The following DOCK3 variants were observed in gnomAD, a reference collection of about 807,000 sequenced individuals.
DOCK3 encodes the protein dedicator of cytokinesis protein 3.
In DOCK3, 60 loss-of-function variants were observed where a neutral mutation model predicts 265.6. The observed-to-expected ratio is 0.23, with a 90% confidence interval of 0.18 to 0.28. The LOEUF (loss-of-function observed/expected upper bound fraction) is 0.28. Ranked by LOEUF, DOCK3 falls within the 10% of genes least tolerant of loss-of-function variation. The pLI is 1.00. For missense variants in DOCK3, 1,981 were observed against 2,594.3 expected (o/e 0.76, Z 5.14); for synonymous variants, 881 against 938.0 (o/e 0.94, Z 1.11).
chr3:51,213,309 T>C (rs1030965748), intron 13 of DOCK3, among the ~76,000 whole-genome samples: 3 of 152,146 alleles, frequency 2.0e-5, no homozygotes, highest in African/African-American at 4.8e-5. Flanking sequence ...TTCACAGTTA[T>C]AGAGGTAACA....
chr3:51,271,851 G>GA (rs766713829), intron 24 of DOCK3, among the ~76,000 whole-genome samples: 807 of 65,354 alleles, frequency 0.012, 2 homozygotes, highest in South Asian at 0.021. Flanking sequence ...ACTGTCTCAG[G>GA]AAAAAAAAAA....
intron 5 of DOCK3, among the ~76,000 whole-genome samples, chr3:51,050,345 C>T (rs994926453): frequency 6.6e-6 from 1 of 152,100 alleles, no homozygotes; most frequent in Admixed American, 6.6e-5. Context: ...TGTGATTGCA[C>T]CACTACACTC....
chr3:51,087,186 T>C (rs1396809154), intron 7 of DOCK3, among the ~76,000 whole-genome samples: 1 of 152,118 alleles, frequency 6.6e-6, no homozygotes, highest in Admixed American at 6.5e-5. Flanking sequence ...AAAAAAAAGA[T>C]GGGCCAGTAT....
chr3:51,310,201 G>A lies in DOCK3; in HGVS notation c.2923-31G>A, dbSNP rs766853726. ...TGAGGAGATGCATATTGTGGTGGTG[G>A]TGTCTCACATCAGCTTTCCTCTGCT... On this transcript the variant is annotated intron_variant, in intron 27 of 52. Coordinates refer to ENST00000266037, the MANE Select transcript of DOCK3 (RefSeq NM_004947.5). 2.1e-5 allele frequency: 33 copies of A among 1,546,112 alleles called. 1 individual carries two copies. The South Asian group carries it at 3.7e-4, about 17-fold the overall frequency.
intron 2 of DOCK3, among the ~76,000 whole-genome samples, chr3:50,781,009 G>A (rs544062180): frequency 6.6e-6 from 1 of 151,988 alleles, no homozygotes; most frequent in East Asian, 1.9e-4. Flanking sequence ...TGGCAGAATA[G>A]TATTCCATTG....
chr3:50,931,365 A>G (rs1261867312), intron 4 of DOCK3, among the ~76,000 whole-genome samples: 1 of 152,142 alleles, frequency 6.6e-6, no homozygotes, highest in African/African-American at 2.4e-5. Flanking sequence ...TTAATGTCAC[A>G]CATTTAGCAC....
At chr3:51,125,614 TAATAAA>T (rs1177561453) in intron 9 of DOCK3, among the ~76,000 whole-genome samples, 1 of 152,172 alleles carries the variant, frequency 6.6e-6, no homozygotes, top group African/African-American at 2.4e-5. Context: ...AATAACAAGT[TAATAAA>T]TATAAATATG....
At chr3:50,714,974 T>G (rs1310841708) in intron 1 of DOCK3, among the ~76,000 whole-genome samples, 1 of 152,210 alleles carries the variant, frequency 6.6e-6, no homozygotes, top group Admixed American at 6.5e-5. Flanking sequence ...TTCTGCCACA[T>G]GCACCCACTG....
At chr3:50,882,963 T>C (rs1185071193) in intron 3 of DOCK3, among the ~76,000 whole-genome samples, 1 of 152,202 alleles carries the variant, frequency 6.6e-6, no homozygotes, top group Non-Finnish European at 1.5e-5. Context: ...TCATGTCCTT[T>C]GGAGGGAGAT....
chr3:50,812,698 A>G (rs2043833657), intron 2 of DOCK3, among the ~76,000 whole-genome samples: 2 of 152,224 alleles, frequency 1.3e-5, no homozygotes, highest in African/African-American at 4.8e-5. Flanking sequence ...GCCACTCACA[A>G]TGGGGCGGGC....
chr3:50,746,135 A>G (rs1249014680), intron 1 of DOCK3, among the ~76,000 whole-genome samples: 1 of 137,476 alleles, frequency 7.3e-6, no homozygotes, highest in East Asian at 2.1e-4. Context: ...TTTGAGACAG[A>G]GTCTTACTCT....
At chr3:50,916,264 T>A (rs1453415408) in intron 4 of DOCK3, among the ~76,000 whole-genome samples, 1 of 151,950 alleles carries the variant, frequency 6.6e-6, no homozygotes, top group African/African-American at 2.4e-5. Context: ...TTAGCTTAAC[T>A]CCTTACTGTT....
intron 2 of DOCK3, among the ~76,000 whole-genome samples, chr3:50,801,993 C>T (rs1189451272): frequency 3.9e-5 from 6 of 152,112 alleles, no homozygotes; most frequent in Non-Finnish European, 7.4e-5. Context: ...TCTTTTTCGT[C>T]CAATATAAGT....
At chr3:51,248,841 C>G (rs550313480) in intron 22 of DOCK3, among the ~76,000 whole-genome samples, 1 of 146,666 alleles carries the variant, frequency 6.8e-6, no homozygotes. Context: ...ACCTCTGCCC[C>G]GCCGCCCCGT....
chr3:51,363,821 C>A (rs889911285), intron 49 of DOCK3, among the ~76,000 whole-genome samples: 1 of 152,164 alleles, frequency 6.6e-6, no homozygotes, highest in Non-Finnish European at 1.5e-5. Flanking sequence ...TGAACTCATC[C>A]TTTTTTATGG....
intron 3 of DOCK3, among the ~76,000 whole-genome samples, chr3:50,857,555 C>A (rs2046663603): frequency 6.6e-6 from 1 of 152,118 alleles, no homozygotes; most frequent in African/African-American, 2.4e-5. Flanking sequence ...GGACTAATAT[C>A]CAGAATCTAC....
At chr3:50,822,716 C>A (rs1238551905) in intron 2 of DOCK3, among the ~76,000 whole-genome samples, 2 of 152,066 alleles carry the variant, frequency 1.3e-5, no homozygotes, top group African/African-American at 4.8e-5. Context: ...TGGTACCATA[C>A]TCCTGGGCTC....
At chr3:50,919,363 G>C (rs2050306276) in intron 4 of DOCK3, among the ~76,000 whole-genome samples, 2 of 152,070 alleles carry the variant, frequency 1.3e-5, no homozygotes, top group Non-Finnish European at 2.9e-5. Flanking sequence ...CCATTTTTAC[G>C]ATATGATTCT....
chr3:50,852,620 A>G (rs936196288), intron 3 of DOCK3, among the ~76,000 whole-genome samples: 2 of 152,066 alleles, frequency 1.3e-5, no homozygotes, highest in African/African-American at 2.4e-5. Context: ...GATAATTCTC[A>G]TTTATTTCAG....
Sources: gnomAD v4.1 joint callset for allele counts (sites outside exome capture counted in the v4.1 genomes callset) on GRCh38, gnomAD v4.1.1 for gene constraint, MANE v1.5 for transcripts, NCBI Gene and HGNC (gene_info 2026-07-23, HGNC 2026-07-21) for gene names.